The following PLPBP variants were observed in gnomAD, a reference collection of about 807,000 sequenced individuals.
PLPBP encodes pyridoxal phosphate binding protein, also known as pyridoxal phosphate homeostasis protein.
PLPBP carries 21 observed loss-of-function variants against 31.2 expected under a neutral mutation model. The observed-to-expected ratio is 0.67, with a 90% confidence interval of 0.48 to 0.97. The LOEUF is 0.97. Ranked by LOEUF, PLPBP falls within the 50% of genes least tolerant of loss-of-function variation. The pLI is 0.00. For synonymous variants in PLPBP, 124 were observed against 135.6 expected (o/e 0.91, Z 0.59); for missense variants, 308 against 354.4 (o/e 0.87, Z 1.05).
At chr8:37,769,100 C>G (rs932564686) in intron 4 of PLPBP, among the ~76,000 whole-genome samples, 3 of 152,006 alleles carry the variant, frequency 2.0e-5, no homozygotes, top group African/African-American at 7.2e-5. Context: ...TTTGGGAGGC[C>G]AAGGCAGGTG....
chr8:37,773,784 CA>C (rs1336999436), intron 5 of PLPBP, among the ~76,000 whole-genome samples: 1 of 151,910 alleles, frequency 6.6e-6, no homozygotes, highest in East Asian at 1.9e-4. Flanking sequence ...TTGTGTCTTT[CA>C]TCTGGAAACC....
In PLPBP at chr8:37,778,051, G is replaced by C. The variant is rs1345241823; in HGVS notation, c.775G>C (p.Asp259His). The change falls in exon 8 of 8, where the codon GAC (aspartate) becomes CAC (histidine). Residue 259 changes from aspartate (D) to histidine (H), a missense_variant. Asp to His is a moderately conservative substitution (Grantham distance 81). Transcript: ENST00000328195. The stretch of plus-strand genomic sequence containing the variant: ...GGATTACTCAAAGAAACCCACCCCG[G>C]ACAAGTGCGCAGCAGACGTGAAGGC... ...ERDYSKKPTP[D>H]KCAADVKAPL... 1.2e-6 allele frequency: 2 copies of C among 1,613,744 alleles called. No homozygotes were observed. The highest frequency in any genetic ancestry group is 2.7e-5 in the African/African-American group (2 of 74,936).
intron 4 of PLPBP, among the ~76,000 whole-genome samples, chr8:37,771,189 T>G (rs1477600301): frequency 6.6e-6 from 1 of 152,090 alleles, no homozygotes; most frequent in Non-Finnish European, 1.5e-5. Flanking sequence ...CAGGCTGGAG[T>G]GCAGTGGCGT....
At chr8:37,768,132 C>A (rs1803682056) in intron 4 of PLPBP, among the ~76,000 whole-genome samples, 1 of 152,066 alleles carries the variant, frequency 6.6e-6, no homozygotes, top group South Asian at 2.1e-4. Context: ...TAAACCAACC[C>A]TGCACTCCTA....
At chr8:37,769,928 A>G (rs1034906283) in intron 4 of PLPBP, among the ~76,000 whole-genome samples, 2 of 152,228 alleles carry the variant, frequency 1.3e-5, no homozygotes, top group African/African-American at 4.8e-5. Flanking sequence ...AATAAACTTC[A>G]CCAAAGAAGT....
Position 37,764,133 on chromosome 8 carries a change from C to T in PLPBP, c.99+1375C>T, listed in dbSNP as rs534033495. Among the ~76,000 whole-genome samples, 6 of 147,038 alleles carry T rather than the reference C, an allele frequency of 4.1e-5. No homozygotes were observed. The East Asian group carries it at 1.2e-3, about 29-fold the overall frequency. Reference sequence around the variant, plus strand: ...TTTTGTTTTGTTTGAGACAGAGTCTCGTTCTGTCGCCCAGGCTGGAGTGCA... The same window carrying T: ...TTTTGTTTTGTTTGAGACAGAGTCTTGTTCTGTCGCCCAGGCTGGAGTGCA... On this transcript the variant is annotated intron_variant, in intron 1 of 7. Coordinates refer to ENST00000328195, the MANE Select transcript of PLPBP (RefSeq NM_007198.4).
In PLPBP at chr8:37,778,800, C is replaced by G. The variant is rs1803983774; in HGVS notation, c.*696C>G. On this transcript the variant is annotated 3_prime_UTR_variant, in exon 8 of 8. Transcript: ENST00000328195. ...GCAGGAGCCCCACCCCCCGTCTCTACAAAAAAATTTAAAAATTAACTGGGC... is the reference window on the plus strand; with the variant it reads ...GCAGGAGCCCCACCCCCCGTCTCTAGAAAAAAATTTAAAAATTAACTGGGC... The G allele has an allele frequency of 6.6e-6, 1 of 150,820 alleles. No homozygotes were observed. The highest frequency in any genetic ancestry group is 1.5e-5 in the Non-Finnish European group (1 of 67,860). The allele number at this position is 150,820 out of a possible 1,614,324, so 9.3% of individuals were successfully genotyped here.
At chr8:37,769,531 A>T (rs1803719235) in intron 4 of PLPBP, among the ~76,000 whole-genome samples, 2 of 152,100 alleles carry the variant, frequency 1.3e-5, no homozygotes, top group Admixed American at 6.5e-5. Context: ...TAGGGAAAAA[A>T]AATAGGCAAA....
At chr8:37,762,577 C>A (rs1201217228), upstream of PLPBP, 12 of 1,508,712 alleles carry the variant, frequency 8.0e-6, no homozygotes, top group African/African-American at 1.4e-5. Context: ...GATTGGTTCA[C>A]ACGGCGCAAG....
Position 37,762,701 on chromosome 8 carries a change from G to A in PLPBP, c.42G>A (p.Gly14=), listed in dbSNP as rs1338428127. 1.3e-6 allele frequency: 2 copies of A among 1,591,488 alleles called. No individual in the cohort carries two copies. Among genetic ancestry groups the A allele is most frequent in the African/African-American group, 2.7e-5 (2 of 74,774 alleles). ...GCATGTCGGCCGAGCTGGGAGTCGGGTGCGCATTGCGGGCGGTGAACGAGC... is the reference window on the plus strand; with the variant it reads ...GCATGTCGGCCGAGCTGGGAGTCGGATGCGCATTGCGGGCGGTGAACGAGC... The part of the protein sequence containing the change: ...AGSMSAELGV[G]CALRAVNERV... The change falls in exon 1 of 8, where the codon GGG becomes GGA. Residue 14 remains glycine, a synonymous_variant. Coordinates refer to ENST00000328195, the MANE Select transcript of PLPBP (RefSeq NM_007198.4).
intron 5 of PLPBP, among the ~76,000 whole-genome samples, chr8:37,773,230 C>T (rs939510080): frequency 1.3e-5 from 2 of 151,698 alleles, no homozygotes; most frequent in African/African-American, 2.4e-5. Context: ...TGCAATGGTG[C>T]GATCTCGGCT....
chr8:37,767,799 C>CTTTTTTTTTTTTTTT (rs1175107737), intron 4 of PLPBP, among the ~76,000 whole-genome samples: 3 of 98,936 alleles, frequency 3.0e-5, no homozygotes, highest in Non-Finnish European at 5.7e-5. Flanking sequence ...CTTTTATTTA[C>CTTTTTTTTTTTTTTT]TTTTTTTTTT....
rs1563327773 is a variant in PLPBP at position 37,776,023 on chromosome 8, G to A, written c.696+7G>A. On this transcript the variant is annotated splice_region_variant and intron_variant, in intron 7 of 7. Coordinates refer to ENST00000328195, the MANE Select transcript of PLPBP (RefSeq NM_007198.4). ...CGCGGATTTCCAGCATGCGGTGAGT[G>A]TCCTGCCAGTGCCCTGTCTGCCTCG... The A allele has an allele frequency of 6.2e-7, 1 of 1,611,348 alleles. No homozygotes were observed. Among genetic ancestry groups the A allele is most frequent in the Admixed American group, 1.7e-5 (1 of 60,010 alleles).
rs1264226982 is a variant in PLPBP, at chr8:37,778,694, A to T, written c.*590A>T. The T allele has an allele frequency of 6.6e-6, 1 of 152,264 alleles. No individual in the cohort carries two copies. Among genetic ancestry groups the T allele is most frequent in the Non-Finnish European group, 1.5e-5 (1 of 68,094 alleles). The allele number at this position is 152,264 out of a possible 1,614,324, so 9.4% of individuals were successfully genotyped here. ...TGTTGCTGGCCAGGCATGGTGACTC[A>T]TGCCTGTAATCCCAGCAATTTGGGA... On this transcript the variant is annotated 3_prime_UTR_variant, in exon 8 of 8. Transcript: ENST00000328195.
chr8:37,766,329 A>G lies in PLPBP; in HGVS notation c.293A>G (p.Gln98Arg). Residue 98 changes from glutamine to arginine, a missense_variant, in exon 4 of 8, where the codon CAG becomes CGG. By Grantham distance (43) the Gln-to-Arg change is conservative. Around this residue, in one of 2 missense-constraint regions of PLPBP, gnomAD observed 188 missense variants for 259.3 expected, o/e 0.73. Transcript: ENST00000328195. Reference sequence around the variant, plus strand: ...AAATGGCACTTCATTGGCCACCTACAGAAACAAAATGTCAACAAATTGATG... The same window carrying G: ...AAATGGCACTTCATTGGCCACCTACGGAAACAAAATGTCAACAAATTGATG... ...EIKWHFIGHL[Q>R]KQNVNKLMAV... The G allele has an allele frequency of 6.2e-7, 1 of 1,609,786 alleles. No homozygotes were observed. The highest frequency in any genetic ancestry group is 8.5e-7 in the Non-Finnish European group (1 of 1,178,016).
chr8:37,773,642 T>C (rs1467247408), intron 5 of PLPBP, among the ~76,000 whole-genome samples: 2 of 151,880 alleles, frequency 1.3e-5, no homozygotes, highest in Admixed American at 1.3e-4. Flanking sequence ...CTAATATTTG[T>C]ATTTTTAGTA....
rs926004262 is a variant in PLPBP, at chr8:37,770,328, A to G, written c.320-2427A>G. 8.5e-5 allele frequency among the ~76,000 whole-genome samples: 13 copies of G among 152,372 alleles called. No individual in the cohort carries two copies. In the South Asian group the frequency reaches 1.2e-3, roughly 15 times the overall value. Reference sequence around the variant, plus strand: ...AGAGAACTCAGAAATAAATTTGTACATCTACAGAGAATTTATTTTTAACAG... The same window carrying G: ...AGAGAACTCAGAAATAAATTTGTACGTCTACAGAGAATTTATTTTTAACAG... On this transcript the variant is annotated intron_variant, in intron 4 of 7. Transcript: ENST00000328195.
intron 4 of PLPBP, among the ~76,000 whole-genome samples, chr8:37,770,772 T>A (rs1803750882): frequency 6.6e-6 from 1 of 151,224 alleles, no homozygotes. Flanking sequence ...AGACGGGGTT[T>A]CACCATGTTG....
chr8:37,776,102 A>G, intron 7 of PLPBP, 86 bp downstream of exon 7: 1 of 1,312,414 alleles, frequency 7.6e-7, no homozygotes, highest in Non-Finnish European at 1.1e-6. Context: ...TCTTTGCTGT[A>G]GAAGCCTTGG....
Sources: allele counts gnomAD v4.1 joint callset (sites outside exome capture counted in the v4.1 genomes callset), GRCh38; gene constraint gnomAD v4.1.1; regional missense constraint gnomAD v4.1.1; transcripts MANE v1.5; gene names NCBI Gene and HGNC (gene_info 2026-07-23, HGNC 2026-07-21).